Variants in MYOM2 observed in about 807,000 individuals in gnomAD.
MYOM2 encodes the protein myomesin-2.
MYOM2 carries 254 observed loss-of-function variants against 187.6 expected under a neutral mutation model. The ratio of observed to expected loss-of-function variants is 1.35; its 90% CI spans 1.22 to 1.50. The LOEUF (loss-of-function observed/expected upper bound fraction) is 1.50. Among genes scored for constraint, MYOM2 ranks in the 40% most tolerant of loss-of-function variants. The pLI is 0.00. For missense variants in MYOM2, 2,796 were observed against 1,924.0 expected, an observed-to-expected ratio of 1.45 and a Z score of -8.48; for synonymous variants, 981 against 753.8, an observed-to-expected ratio of 1.30 and a Z score of -4.94.
chr8:2,094,962 C>T (rs954130513), intron 17 of MYOM2, among the ~76,000 whole-genome samples: 5 of 152,068 alleles, frequency 3.3e-5, no homozygotes, highest in Admixed American at 6.6e-5. Context: ...GAAGTCAGTG[C>T]GCATACTCAG....
intron 25 of MYOM2, among the ~76,000 whole-genome samples, chr8:2,114,554 A>C (rs543343481): frequency 1.3e-5 from 2 of 152,146 alleles, no homozygotes; most frequent in East Asian, 3.9e-4. Context: ...GGTTCACTGC[A>C]TCCTCTGCCT....
At chr8:2,108,922 G>T in intron 24 of MYOM2, 92 bp downstream of exon 24, 2 of 1,292,648 alleles carry the variant, frequency 1.5e-6, no homozygotes, top group Non-Finnish European at 2.2e-6. Context: ...GAACAGCTTT[G>T]GGGAAAGGAT....
At chr8:2,124,904 C>A (rs1016747102) in intron 31 of MYOM2, among the ~76,000 whole-genome samples, 9 of 152,126 alleles carry the variant, frequency 5.9e-5, no homozygotes, top group African/African-American at 2.2e-4. Flanking sequence ...TGAGAAATAT[C>A]TGTTCAGATC....
At chr8:2,074,925 C>A (rs1013527548) in intron 10 of MYOM2, among the ~76,000 whole-genome samples, 3 of 152,206 alleles carry the variant, frequency 2.0e-5, no homozygotes, top group African/African-American at 7.2e-5. Flanking sequence ...CTCTCCGGGT[C>A]CCCGGGCTCC....
At chr8:2,057,829 T>C in intron 5 of MYOM2, 49 bp downstream of exon 5, 17 of 1,587,500 alleles carry the variant, frequency 1.1e-5, no homozygotes, top group Non-Finnish European at 1.5e-5. Flanking sequence ...CTGCGTTTTC[T>C]TTCAGAAAGA....
chr8:2,065,950 G>C (rs1012708194), intron 6 of MYOM2, among the ~76,000 whole-genome samples: 1 of 152,244 alleles, frequency 6.6e-6, no homozygotes, highest in Non-Finnish European at 1.5e-5. Context: ...GTTGAGAGCC[G>C]TGGGGCGCAG....
chr8:2,116,427 A>G lies in MYOM2; in HGVS notation c.3385+152A>G, dbSNP rs140187359. On this transcript the variant is annotated intron_variant, in intron 27 of 36. Transcript: ENST00000262113. ...GTTAGGCTTACCAACTGCATAGGAA[A>G]GGAACCTGCTTTATAGCAGGGGAGT... 5.0e-3 allele frequency: 3,499 copies of G among 693,492 alleles called. 54 individuals are homozygous for G. The highest frequency in any genetic ancestry group is 0.044 in the East Asian group (1,522 of 34,830). 43.0% of individuals were successfully genotyped at this position (693,492 alleles called of 1,614,324 possible).
intron 1 of MYOM2, 31 bp from the exon 2 acceptor site, chr8:2,050,724 A>G: frequency 7.6e-7 from 1 of 1,323,470 alleles, no homozygotes; most frequent in Non-Finnish European, 1.1e-6. Context: ...CTTGCGAGGG[A>G]GCTCAGTGTT....
At position 2,079,609 on chromosome 8, in the gene MYOM2, T is replaced by G; in HGVS notation, c.1512T>G (p.Leu504=). The change falls in exon 13 of 37, where the codon CTT becomes CTG. Residue 504 remains leucine (L), a synonymous_variant. Transcript: ENST00000262113. The stretch of plus-strand genomic sequence containing the variant: ...AGATTGCCATTTATCAGGATGACCT[T>G]GAAGGTAAGTAGCACCTCATCACCC... ...EKEIAIYQDD[L]EGDAQVPGPP... 2 of 1,613,984 alleles carry G rather than the reference T, an allele frequency of 1.2e-6. No individual in the cohort carries two copies. The highest frequency in any genetic ancestry group is 1.7e-6 in the Non-Finnish European group (2 of 1,179,944).
chr8:2,100,688 A>T (rs974786269), intron 19 of MYOM2, among the ~76,000 whole-genome samples, 188 bp from the exon 20 acceptor site: 4 of 144,962 alleles, frequency 2.8e-5, no homozygotes, highest in Admixed American at 7.4e-5. Context: ...CTGACCCCCA[A>T]CGTCATGCTG....
intron 21 of MYOM2, among the ~76,000 whole-genome samples, chr8:2,104,455 A>G (rs1027744431): frequency 2.0e-5 from 3 of 152,046 alleles, no homozygotes; most frequent in Admixed American, 2.0e-4. Flanking sequence ...TACAAAAAGA[A>G]TTAGCTGGGC....
chr8:2,117,291 G>A (rs916773071), intron 27 of MYOM2, among the ~76,000 whole-genome samples: 4 of 152,042 alleles, frequency 2.6e-5, no homozygotes, highest in Non-Finnish European at 4.4e-5. Context: ...AATCTGCTTT[G>A]TATTTTTGCA....
intron 27 of MYOM2, among the ~76,000 whole-genome samples, chr8:2,116,485 C>T (rs1585933706): frequency 6.6e-6 from 1 of 152,262 alleles, no homozygotes; most frequent in South Asian, 2.1e-4. Context: ...CTTTAATGTC[C>T]AGACGGAGTC....
rs1797001006 is a variant in MYOM2 at position 2,109,534 on chromosome 8, G to A, written c.3180+3G>A. On this transcript the variant is annotated splice_donor_region_variant and intron_variant, in intron 25 of 36. Transcript: ENST00000262113. Reference sequence around the variant, plus strand: ...ACAGAGAAGTCTCTGACAGCGAGGTGAGTTCCTGTGTGAGTGATCTCTGGC... The same window carrying A: ...ACAGAGAAGTCTCTGACAGCGAGGTAAGTTCCTGTGTGAGTGATCTCTGGC... 6.2e-7 allele frequency: 1 copy of A among 1,606,560 alleles called. No individual in the cohort carries two copies. Among genetic ancestry groups the A allele is most frequent in the East Asian group, 2.3e-5 (1 of 44,392 alleles).
intron 6 of MYOM2, among the ~76,000 whole-genome samples, chr8:2,063,037 T>G (rs1438425721): frequency 1.3e-5 from 2 of 152,166 alleles, no homozygotes; most frequent in Non-Finnish European, 2.9e-5. Flanking sequence ...TGGACTTGGA[T>G]TTTGCTTGCA....
chr8:2,129,276 C>T (rs1482951346), intron 32 of MYOM2, 44 bp downstream of exon 32: 12 of 1,369,814 alleles, frequency 8.8e-6, no homozygotes, highest in Middle Eastern at 1.8e-4. Flanking sequence ...ATAGATGGGG[C>T]TGTCCAGGGC....
chr8:2,111,218 T>C (rs1273841729), intron 25 of MYOM2, among the ~76,000 whole-genome samples: 1 of 152,236 alleles, frequency 6.6e-6, no homozygotes, highest in Non-Finnish European at 1.5e-5. Context: ...TTTCACTTCT[T>C]TAATTAGCAA....
At chr8:2,070,407 T>C (rs1249832108) in intron 8 of MYOM2, among the ~76,000 whole-genome samples, 1 of 152,176 alleles carries the variant, frequency 6.6e-6, no homozygotes, top group Non-Finnish European at 1.5e-5. Flanking sequence ...TGTGTGACTT[T>C]TTTTGCTGGG....
Position 2,090,019 on chromosome 8 carries a change from G to C in MYOM2, c.1656G>C (p.Gly552=). ...LMYFIEKSVV[G]SGSWQRVNAQ... is the part of the protein sequence containing the mutation. Reference sequence around the variant, plus strand: ...GTTTCTCTTTGTAGTCCGTGGTGGGGAGCGGCAGCTGGCAGAGAGTCAACG... The same window carrying C: ...GTTTCTCTTTGTAGTCCGTGGTGGGCAGCGGCAGCTGGCAGAGAGTCAACG... The change falls in exon 15 of 37, where the codon GGG becomes GGC. Residue 552 remains glycine (G), a synonymous_variant. Transcript: ENST00000262113. 6.2e-7 allele frequency: 1 copy of C among 1,613,864 alleles called. No homozygotes were observed.
Sources: gnomAD v4.1 joint callset for allele counts (sites outside exome capture counted in the v4.1 genomes callset) on GRCh38, gnomAD v4.1.1 for gene constraint, MANE v1.5 for transcripts, NCBI Gene and HGNC (gene_info 2026-07-23, HGNC 2026-07-21) for gene names.